The following CTNNA3 variants were observed in gnomAD, a reference collection of about 807,000 sequenced individuals.
The protein encoded by CTNNA3 is catenin alpha 3.
In CTNNA3, 76 loss-of-function variants were observed where a neutral mutation model predicts 95.7. The ratio of observed to expected loss-of-function variants is 0.79; its 90% CI spans 0.66 to 0.96. CTNNA3 has a LOEUF of 0.96. CTNNA3 is among the 40% of genes least tolerant of loss of function. The pLI, the probability that CTNNA3 is intolerant of heterozygous loss-of-function variation, is 0.00. For synonymous variants in CTNNA3, 431 were observed against 374.4 expected, an observed-to-expected ratio of 1.15 and a Z score of -1.74; for missense variants, 1,191 against 1,089.8, an observed-to-expected ratio of 1.09 and a Z score of -1.31.
chr10:66,137,497 C>A (rs892583656), intron 13 of CTNNA3, among the ~76,000 whole-genome samples: 1 of 151,842 alleles, frequency 6.6e-6, no homozygotes, highest in African/African-American at 2.4e-5. Context: ...GGGGCAGGGA[C>A]AGAAAAAAAT....
At chr10:66,734,693 C>G (rs1306314736) in intron 9 of CTNNA3, among the ~76,000 whole-genome samples, 6 of 151,936 alleles carry the variant, frequency 3.9e-5, no homozygotes, top group African/African-American at 1.4e-4. Flanking sequence ...GAAACTCTGT[C>G]TCTACTAAAA....
At chr10:66,347,725 A>G (rs4418682) in intron 12 of CTNNA3, among the ~76,000 whole-genome samples, 89,655 of 151,752 alleles carry the variant, frequency 0.59, 28,826 homozygotes, top group Non-Finnish European at 0.72. Flanking sequence ...CAACTGAAGA[A>G]AAGATTAGTG....
chr10:67,136,145 T>C (rs1860299361), intron 7 of CTNNA3, among the ~76,000 whole-genome samples: 2 of 152,246 alleles, frequency 1.3e-5, no homozygotes, highest in South Asian at 2.1e-4. Context: ...TGTTTGGTTA[T>C]CTGTTCATCT....
At chr10:66,271,176 A>G (rs1305330805) in intron 13 of CTNNA3, among the ~76,000 whole-genome samples, 1 of 152,134 alleles carries the variant, frequency 6.6e-6, no homozygotes, top group Non-Finnish European at 1.5e-5. Flanking sequence ...CAGACTCCAG[A>G]ATATTTTTCC....
intron 9 of CTNNA3, among the ~76,000 whole-genome samples, chr10:66,679,365 G>A (rs766094418): frequency 1.2e-4 from 19 of 152,134 alleles, no homozygotes; most frequent in Non-Finnish European, 2.2e-4. Context: ...AAAAACACTC[G>A]TGTAAATACA....
chr10:66,325,892 A>G (rs184722346), intron 12 of CTNNA3, among the ~76,000 whole-genome samples: 1 of 152,300 alleles, frequency 6.6e-6, no homozygotes, highest in Admixed American at 6.5e-5. Context: ...TTGCTGAATT[A>G]AAATGCTTAT....
chr10:67,541,019 T>C (rs1840669122), intron 3 of CTNNA3, among the ~76,000 whole-genome samples: 1 of 151,942 alleles, frequency 6.6e-6, no homozygotes, highest in Non-Finnish European at 1.5e-5. Flanking sequence ...ACATAAGTTA[T>C]ATTTCATTGA....
chr10:66,353,667 G>A (rs1307789575), intron 12 of CTNNA3, among the ~76,000 whole-genome samples: 1 of 151,952 alleles, frequency 6.6e-6, no homozygotes, highest in Admixed American at 6.6e-5. Flanking sequence ...GAGCAACCAA[G>A]CAAAAGTTAA....
At chr10:67,049,711 T>C (rs577191862) in intron 7 of CTNNA3, among the ~76,000 whole-genome samples, 106 of 152,310 alleles carry the variant, frequency 7.0e-4, no homozygotes, top group African/African-American at 2.5e-3. Context: ...ATTCTCTACA[T>C]AGAAAACTGC....
At chr10:67,541,451 T>C (rs902580175) in intron 3 of CTNNA3, among the ~76,000 whole-genome samples, 2 of 152,004 alleles carry the variant, frequency 1.3e-5, no homozygotes, top group African/African-American at 2.4e-5. Flanking sequence ...CATGTTAGTA[T>C]GTCTCATTTA....
intron 1 of CTNNA3, among the ~76,000 whole-genome samples, chr10:67,683,907 C>T (rs549061067): frequency 7.9e-5 from 12 of 152,278 alleles, no homozygotes; most frequent in African/African-American, 2.6e-4. Flanking sequence ...TTCACGGTCT[C>T]GCTCACGTCA....
At chr10:66,297,973 G>T (rs985937268) in intron 12 of CTNNA3, among the ~76,000 whole-genome samples, 1 of 152,178 alleles carries the variant, frequency 6.6e-6, no homozygotes, top group Middle Eastern at 3.2e-3. Flanking sequence ...AACAGGGACT[G>T]CCATAACTCA....
intron 7 of CTNNA3, among the ~76,000 whole-genome samples, chr10:66,813,845 A>AGTGTGT (rs66464661): frequency 6.7e-6 from 1 of 149,620 alleles, no homozygotes; most frequent in Non-Finnish European, 1.5e-5. Flanking sequence ...TGTGTGTGTG[A>AGTGTGT]GTGTGTGTGT....
At chr10:66,815,052 G>A (rs989070835) in intron 7 of CTNNA3, among the ~76,000 whole-genome samples, 11 of 151,546 alleles carry the variant, frequency 7.3e-5, no homozygotes, top group Non-Finnish European at 1.0e-4. Context: ...GGGTTTCACC[G>A]TATTCGCCAA....
At chr10:66,657,071 GAGA>G (rs1264025303) in intron 9 of CTNNA3, among the ~76,000 whole-genome samples, 1 of 152,052 alleles carries the variant, frequency 6.6e-6, no homozygotes, top group Non-Finnish European at 1.5e-5. Flanking sequence ...CAGTTTTAAT[GAGA>G]AGATTTTATT....
chr10:67,167,421 G>A (rs1347601113), intron 7 of CTNNA3, among the ~76,000 whole-genome samples: 2 of 152,154 alleles, frequency 1.3e-5, no homozygotes, highest in African/African-American at 4.8e-5. Flanking sequence ...ATGTCTCAAA[G>A]TTGAGCACTC....
chr10:65,935,791 G>A (rs1054339824), intron 17 of CTNNA3, among the ~76,000 whole-genome samples: 3 of 152,050 alleles, frequency 2.0e-5, no homozygotes, highest in African/African-American at 7.2e-5. Flanking sequence ...AGCACAACAT[G>A]CATTCTAGCT....
At chr10:66,910,418 T>G (rs1354797253) in intron 7 of CTNNA3, among the ~76,000 whole-genome samples, 2 of 152,196 alleles carry the variant, frequency 1.3e-5, no homozygotes, top group Admixed American at 6.5e-5. Flanking sequence ...ATCACTACCC[T>G]TAACCATCAC....
chr10:66,648,277 G>A (rs184087790), intron 9 of CTNNA3, among the ~76,000 whole-genome samples: 5 of 152,256 alleles, frequency 3.3e-5, no homozygotes, highest in Admixed American at 6.5e-5. Context: ...TGCCCACAGC[G>A]GCTGATGCCC....
Sources: allele counts gnomAD v4.1 joint callset (sites outside exome capture counted in the v4.1 genomes callset), GRCh38; gene constraint gnomAD v4.1.1; transcripts MANE v1.5; gene names NCBI Gene and HGNC (gene_info 2026-07-23, HGNC 2026-07-21).